The following ARID2 variants were observed in gnomAD, a reference collection of about 807,000 sequenced individuals.
ARID2 encodes AT-rich interaction domain 2.
A neutral mutation model predicts 184.6 loss-of-function variants in ARID2; 32 were observed. The ratio of observed to expected loss-of-function variants is 0.17; its 90% confidence interval spans 0.13 to 0.23. The LOEUF (loss-of-function observed/expected upper bound fraction) is 0.23, where lower values mean the gene tolerates loss of function less well. ARID2 is among the 10% of genes least tolerant of loss of function. The pLI is 1.00. For missense variants in ARID2, 1,696 were observed against 2,197.6 expected (o/e 0.77, Z 4.56); for synonymous variants, 836 against 772.6 (o/e 1.08, Z -1.36).
Position 45,849,843 on chromosome 12 carries a change from A to G in ARID2, c.1912+67A>G, listed in dbSNP as rs1348539477. 25 of 1,476,786 alleles carry G rather than the reference A, an allele frequency of 1.7e-5. No homozygotes were observed. The South Asian group carries it at 2.5e-4, about 15-fold the overall frequency. 91.5% of individuals were successfully genotyped at this position (1,476,786 alleles called of 1,614,324 possible). A position where few individuals can be genotyped will look rare whatever the true frequency, so the allele number is the denominator to read the frequency against. ...TAATAAAACTGAATGAAAAATATAT[A>G]TTCTATGCATTTTAAATGTATAACT... On this transcript the variant is annotated intron_variant, in intron 14 of 20. Transcript: ENST00000334344.
rs761087596 is a variant in ARID2, at chr12:45,904,925, T to G, written c.5364-9T>G. On this transcript the variant is annotated splice_polypyrimidine_tract_variant and intron_variant, in intron 20 of 20. Coordinates refer to ENST00000334344, the MANE Select transcript of ARID2 (RefSeq NM_152641.4). ...GGAGACTGACAATCTTCTATATGTTTTTTTGCAGATTGTTAAAGAGACATG... is the reference window on the plus strand; with the variant it reads ...GGAGACTGACAATCTTCTATATGTTGTTTTGCAGATTGTTAAAGAGACATG... 4 of 1,612,434 alleles carry G rather than the reference T, an allele frequency of 2.5e-6. No homozygotes were observed. The highest frequency in any genetic ancestry group is 1.7e-5 in the Admixed American group (1 of 59,792).
At chr12:45,869,646 G>A (rs1943888363) in intron 16 of ARID2, among the ~76,000 whole-genome samples, 1 of 151,926 alleles carries the variant, frequency 6.6e-6, no homozygotes, top group Non-Finnish European at 1.5e-5. Flanking sequence ...ACTTTGGGAG[G>A]CCGAGGCAGA....
rs569301994 is a variant in ARID2, at chr12:45,759,788, C to T, written c.284+28474C>T. ...TGTTTCCCAGGCTGGTCTCAATCTC[C>T]TGTGCTCAAGTGATTCTCCCATCTC... On this transcript the variant is annotated intron_variant, in intron 3 of 20. Transcript: ENST00000334344. 9.2e-5 allele frequency among the ~76,000 whole-genome samples: 14 copies of T among 152,244 alleles called. No individual in the cohort carries two copies. The South Asian group carries it at 2.3e-3, about 25-fold the overall frequency.
At chr12:45,843,194 G>A (rs764241398) in intron 11 of ARID2, among the ~76,000 whole-genome samples, 3 of 150,402 alleles carry the variant, frequency 2.0e-5, no homozygotes, top group Non-Finnish European at 4.4e-5. Flanking sequence ...CAAGATATGA[G>A]TATAAATTAT....
chr12:45,899,249 C>T (rs145114456), intron 20 of ARID2, among the ~76,000 whole-genome samples: 2,602 of 105,118 alleles, frequency 0.025, 42 homozygotes, highest in Middle Eastern at 0.07. Context: ...TCCAGCCTGG[C>T]GAAAGAGCAA....
intron 3 of ARID2, among the ~76,000 whole-genome samples, chr12:45,785,099 G>A (rs1240826953): frequency 2.0e-5 from 3 of 152,194 alleles, no homozygotes; most frequent in East Asian, 1.9e-4. Context: ...CCTTTCAGGC[G>A]AAGAAGCCTC....
intron 3 of ARID2, among the ~76,000 whole-genome samples, chr12:45,750,480 T>C (rs188761131): frequency 1.3e-5 from 2 of 152,346 alleles, no homozygotes; most frequent in African/African-American, 2.4e-5. Context: ...TAAAAAATGA[T>C]GCCGATAGAC....
intron 3 of ARID2, among the ~76,000 whole-genome samples, chr12:45,796,457 A>G (rs1371037122): frequency 1.3e-5 from 2 of 152,176 alleles, no homozygotes; most frequent in South Asian, 2.1e-4. Flanking sequence ...TGTCATCTAT[A>G]TATAAATCTA....
At chr12:45,750,255 C>T (rs567989110) in intron 3 of ARID2, among the ~76,000 whole-genome samples, 1 of 152,074 alleles carries the variant, frequency 6.6e-6, no homozygotes, top group East Asian at 1.9e-4. Flanking sequence ...GGGAGAATGA[C>T]CAGTCAGTGG....
At chr12:45,837,294 C>T (rs2138129986) in intron 8 of ARID2, 27 bp from the exon 9 acceptor site, 1 of 1,537,670 alleles carries the variant, frequency 6.5e-7, no homozygotes, top group South Asian at 1.2e-5. Flanking sequence ...AAGCATAGCT[C>T]AATAATAGTG....
rs140982653 is a variant in ARID2 at position 45,825,837 on chromosome 12, A to G, written c.705+4350A>G. On this transcript the variant is annotated intron_variant, in intron 6 of 20. Coordinates refer to ENST00000334344, the MANE Select transcript of ARID2 (RefSeq NM_152641.4). The stretch of plus-strand genomic sequence containing the variant: ...TATGATTGTACCACTGCACTCCACC[A>G]TGAGTAACAGAGTGAGACCCTGTCT... Among the ~76,000 whole-genome samples the G allele has an allele frequency of 7.0e-3, 1,068 of 152,122 alleles. 10 individuals carry two copies. Among genetic ancestry groups the G allele is most frequent in the African/African-American group, 0.024 (1,009 of 41,524 alleles).
At chr12:45,757,345 A>G (rs755532324) in intron 3 of ARID2, among the ~76,000 whole-genome samples, 5 of 152,206 alleles carry the variant, frequency 3.3e-5, no homozygotes, top group Non-Finnish European at 7.3e-5. Flanking sequence ...TCCCAAACAC[A>G]TTTGAGCACA....
At chr12:45,764,549 G>A (rs1233059558) in intron 3 of ARID2, among the ~76,000 whole-genome samples, 3 of 152,106 alleles carry the variant, frequency 2.0e-5, no homozygotes, top group Non-Finnish European at 2.9e-5. Flanking sequence ...TCTGGCAACC[G>A]CTAATCTGTT....
chr12:45,843,275 C>G (rs1443004556), intron 11 of ARID2, among the ~76,000 whole-genome samples: 1 of 149,780 alleles, frequency 6.7e-6, no homozygotes, highest in Admixed American at 6.6e-5. Flanking sequence ...CAGTGGTTCT[C>G]AAACCTTAGG....
In ARID2 at chr12:45,837,451, TAAAC is replaced by T. The variant is rs770264440; in HGVS notation, c.1120+39_1121-39del. The T allele has an allele frequency of 5.0e-6, 8 of 1,610,524 alleles. No individual in the cohort carries two copies. The South Asian group carries it at 5.5e-5, about 11-fold the overall frequency. ...TCACTGAAGTATTTACTTTCTAAAG[TAAAC>T]AAACTATCATTTCTTAGTAATACAT... On this transcript the variant is annotated intron_variant, in intron 9 of 20. Transcript: ENST00000334344.
intron 3 of ARID2, among the ~76,000 whole-genome samples, chr12:45,796,286 C>A (rs1156778724): frequency 1.3e-5 from 2 of 151,710 alleles, no homozygotes; most frequent in Non-Finnish European, 2.9e-5. Flanking sequence ...AATATTTTTA[C>A]ATGTTATTAA....
At chr12:45,860,344 T>G (rs1361404569) in intron 15 of ARID2, among the ~76,000 whole-genome samples, 1 of 152,198 alleles carries the variant, frequency 6.6e-6, no homozygotes, top group Non-Finnish European at 1.5e-5. Flanking sequence ...CTATCTAAAA[T>G]TTTCATTGCT....
At chr12:45,766,172 CT>C (rs527306642) in intron 3 of ARID2, among the ~76,000 whole-genome samples, 145 of 145,688 alleles carry the variant, frequency 1.0e-3, no homozygotes, top group South Asian at 5.6e-3. Context: ...ATATATTTAA[CT>C]TTTTTTTTTT....
Position 45,836,970 on chromosome 12 carries a change from A to T in ARID2, c.1002A>T (p.Thr334=), listed in dbSNP as rs202197942. Residue 334 remains threonine, a synonymous_variant, in exon 8 of 21, where the codon ACA becomes ACT. Coordinates refer to ENST00000334344, the MANE Select transcript of ARID2 (RefSeq NM_152641.4). ...FISLRQLGLD[T]LGNIAAELLL... is the part of the protein sequence containing the mutation. ...CTTTAAGGCAATTAGGCCTTGACAC[A>T]TTAGGAAATATTGCAGCTGAGGTAA... is the stretch of plus-strand genomic sequence containing the variant. 1.2e-6 allele frequency: 2 copies of T among 1,613,796 alleles called. No individual in the cohort carries two copies. The highest frequency in any genetic ancestry group is 1.7e-6 in the Non-Finnish European group (2 of 1,179,946).
Sources: gnomAD v4.1 joint callset for allele counts (sites outside exome capture counted in the v4.1 genomes callset) on GRCh38, gnomAD v4.1.1 for gene constraint, MANE v1.5 for transcripts, NCBI Gene and HGNC (gene_info 2026-07-23, HGNC 2026-07-21) for gene names.